The following PDIA5 variants were observed in gnomAD, a reference collection of about 807,000 sequenced individuals.
The protein encoded by PDIA5 is protein disulfide-isomerase A5.
In PDIA5, 58 loss-of-function variants were observed where a neutral mutation model predicts 77.6. The ratio of observed to expected loss-of-function variants is 0.75; its 90% CI spans 0.61 to 0.93. The LOEUF (loss-of-function observed/expected upper bound fraction) is 0.93, where lower values mean the gene tolerates loss of function less well. Among genes scored for constraint, PDIA5 ranks in the 40% least tolerant of loss-of-function variants. The pLI is 0.00. For synonymous variants in PDIA5, 250 were observed against 252.1 expected, an observed-to-expected ratio of 0.99 and a Z score of 0.08; for missense variants, 630 against 647.7, an observed-to-expected ratio of 0.97 and a Z score of 0.30.
intron 1 of PDIA5, among the ~76,000 whole-genome samples, chr3:123,088,572 C>A (rs1934204718): frequency 6.6e-6 from 1 of 152,212 alleles, no homozygotes; most frequent in South Asian, 2.1e-4. Context: ...CCAGGGGGCT[C>A]TCGACTGATG....
intron 7 of PDIA5, among the ~76,000 whole-genome samples, chr3:123,112,643 GGTTC>G (rs1934893498): frequency 6.7e-6 from 1 of 149,328 alleles, no homozygotes; most frequent in South Asian, 2.1e-4. Flanking sequence ...CCGCCCCCCG[GGTTC>G]AAATGGTTCA....
chr3:123,073,945 C>A (rs1046180426), intron 1 of PDIA5, among the ~76,000 whole-genome samples: 15 of 152,178 alleles, frequency 9.9e-5, no homozygotes, highest in Admixed American at 9.8e-4. Context: ...AGTATCTGAG[C>A]CCAGATGTGG....
intron 11 of PDIA5, 107 bp from the exon 12 acceptor site, chr3:123,145,415 C>T: frequency 1.4e-6 from 1 of 736,482 alleles, no homozygotes. Context: ...TGCTGCTTTT[C>T]TCAGGTGTCT....
At chr3:123,068,676 CATTT>C (rs1450583607) in intron 1 of PDIA5, among the ~76,000 whole-genome samples, 1 of 152,216 alleles carries the variant, frequency 6.6e-6, no homozygotes, top group Admixed American at 6.5e-5. Context: ...ATTCGGCAGA[CATTT>C]ATTTGTCAAT....
chr3:123,077,832 C>T (rs1310953539), intron 1 of PDIA5, among the ~76,000 whole-genome samples: 1 of 146,446 alleles, frequency 6.8e-6, no homozygotes, highest in Non-Finnish European at 1.5e-5. Flanking sequence ...TTTTTTGAGA[C>T]AGAGTCTCAC....
chr3:123,124,219 G>C, intron 9 of PDIA5, 53 bp from the exon 10 acceptor site: 1 of 1,579,062 alleles, frequency 6.3e-7, no homozygotes, highest in South Asian at 1.1e-5. Flanking sequence ...CATAATCTCA[G>C]GGTGGCATTT....
intron 1 of PDIA5, among the ~76,000 whole-genome samples, chr3:123,070,102 A>AAG (rs1553794670): frequency 4.0e-4 from 60 of 151,876 alleles, no homozygotes; most frequent in Middle Eastern, 3.4e-3. Context: ...AAAAAAAAAA[A>AAG]AAGAAGAAGA....
intron 1 of PDIA5, among the ~76,000 whole-genome samples, chr3:123,081,895 T>C (rs754199776): frequency 1.3e-5 from 2 of 152,218 alleles, no homozygotes; most frequent in Non-Finnish European, 2.9e-5. Flanking sequence ...GGGACTCTTA[T>C]CTCTTTAGTC....
chr3:123,124,422 T>A, intron 10 of PDIA5, 79 bp downstream of exon 10: 1 of 989,062 alleles, frequency 1.0e-6, no homozygotes, highest in Non-Finnish European at 1.6e-6. Flanking sequence ...CGCAGGGCTC[T>A]GGCTGGAGGT....
chr3:123,123,881 G>T (rs1324936547), intron 8 of PDIA5, among the ~76,000 whole-genome samples, 185 bp from the exon 9 acceptor site: 1 of 152,230 alleles, frequency 6.6e-6, no homozygotes, highest in African/African-American at 2.4e-5. Context: ...GACTTCTCCA[G>T]CGCCAGGTCA....
chr3:123,159,885 G>A lies in PDIA5; in HGVS notation c.1345-1436G>A, dbSNP rs1197013413. 5.3e-5 allele frequency among the ~76,000 whole-genome samples: 8 copies of A among 152,198 alleles called. No individual in the cohort carries two copies. The East Asian group carries it at 9.6e-4, about 18-fold the overall frequency. ...GGCATGAGGGACATGATGAGTAAAC[G>A]TGGCCATGGGGGCCCACAGGATTCT... On this transcript the variant is annotated intron_variant, in intron 15 of 16. Coordinates refer to ENST00000316218, the MANE Select transcript of PDIA5 (RefSeq NM_006810.4).
rs139852619 is a variant in PDIA5, at chr3:123,153,612, C to T, written c.1274-1359C>T. 3.7e-3 allele frequency among the ~76,000 whole-genome samples: 569 copies of T among 152,244 alleles called. 1 individual carries two copies. Among genetic ancestry groups the T allele is most frequent in the African/African-American group, 0.013 (541 of 41,538 alleles). On this transcript the variant is annotated intron_variant, in intron 14 of 16. Transcript: ENST00000316218. ...GATATAACCCATCACTGGCCCAGGT[C>T]TCTTCTGCTCCTTCTGCATGAGACT...
intron 5 of PDIA5, among the ~76,000 whole-genome samples, chr3:123,103,641 T>C (rs1172304336): frequency 6.6e-6 from 1 of 152,110 alleles, no homozygotes; most frequent in East Asian, 1.9e-4. Context: ...TCCCTCTGTC[T>C]CTCCCCACCA....
intron 8 of PDIA5, among the ~76,000 whole-genome samples, chr3:123,122,289 G>A (rs569878732): frequency 6.6e-6 from 1 of 152,076 alleles, no homozygotes; most frequent in African/African-American, 2.4e-5. Context: ...GAAAAAAAAA[G>A]GACTTTTAAA....
chr3:123,132,710 G>A (rs564902909), intron 11 of PDIA5, among the ~76,000 whole-genome samples: 27 of 152,306 alleles, frequency 1.8e-4, no homozygotes, highest in African/African-American at 6.0e-4. Flanking sequence ...TGCTGGAAGC[G>A]AGTCTTGCAG....
intron 10 of PDIA5, among the ~76,000 whole-genome samples, chr3:123,128,900 C>T (rs1427028288): frequency 1.3e-5 from 2 of 152,104 alleles, no homozygotes; most frequent in African/African-American, 4.8e-5. Flanking sequence ...TATATTTTAT[C>T]TCCCCCCTTT....
At chr3:123,070,923 A>T (rs1249145621) in intron 1 of PDIA5, among the ~76,000 whole-genome samples, 1 of 152,122 alleles carries the variant, frequency 6.6e-6, no homozygotes, top group Non-Finnish European at 1.5e-5. Flanking sequence ...ACTGGAAAAA[A>T]AAAATGGTGT....
chr3:123,146,283 A>G, intron 13 of PDIA5, 24 bp downstream of exon 13: 1 of 1,605,918 alleles, frequency 6.2e-7, no homozygotes, highest in South Asian at 1.1e-5. Context: ...TCTCAGTAGC[A>G]CATCCTAACT....
chr3:123,151,773 T>TGCCTG (rs1553805773), intron 14 of PDIA5, among the ~76,000 whole-genome samples: 4 of 136,300 alleles, frequency 2.9e-5, no homozygotes, highest in African/African-American at 1.1e-4. Context: ...CCTGCCTGCC[T>TGCCTG]GCCTGCCTGG....
Sources: allele counts gnomAD v4.1 joint callset (sites outside exome capture counted in the v4.1 genomes callset), GRCh38; gene constraint gnomAD v4.1.1; transcripts MANE v1.5; gene names NCBI Gene and HGNC (gene_info 2026-07-23, HGNC 2026-07-21).